PARD3: variants seen among roughly 807,000 people sequenced by gnomAD.
The protein encoded by PARD3 is par-3 family cell polarity regulator, also known as partitioning defective 3 homolog.
PARD3 carries 75 observed loss-of-function variants against 155.4 expected under a neutral mutation model. That is an observed-to-expected ratio of 0.48 (90% CI 0.40 to 0.58). The LOEUF is 0.58. PARD3 is among the 20% of genes least tolerant of loss of function. PARD3 has a pLI of 0.00. For missense variants in PARD3, 1,642 were observed against 1,721.7 expected, an observed-to-expected ratio of 0.95 and a Z score of 0.82; for synonymous variants, 576 against 610.5, an observed-to-expected ratio of 0.94 and a Z score of 0.83.
chr10:34,216,130 G>A (rs531758203), intron 22 of PARD3, among the ~76,000 whole-genome samples: 1 of 152,198 alleles, frequency 6.6e-6, no homozygotes, highest in East Asian at 1.9e-4. Context: ...CCTCATTTGG[G>A]CACAGCTGAT....
At chr10:34,350,458 A>G (rs532375365) in intron 14 of PARD3, among the ~76,000 whole-genome samples, 18 of 152,240 alleles carry the variant, frequency 1.2e-4, no homozygotes, top group African/African-American at 3.1e-4. Flanking sequence ...ACATGGTGAA[A>G]CACCAAATAT....
chr10:34,306,803 T>C lies in PARD3; in HGVS notation c.3065+10304A>G, dbSNP rs147180839. Among the ~76,000 whole-genome samples the C allele has an allele frequency of 1.1e-4, 16 of 152,318 alleles. No individual in the cohort carries two copies. The East Asian group carries it at 3.1e-3, about 29-fold the overall frequency. ...CCTTCCAAAGATGGGAACGCCAGCA[T>C]TGTCCTGGTATGAAGACTTGTCATA... is the stretch of plus-strand genomic sequence containing the variant. On this transcript the variant is annotated intron_variant, in intron 20 of 24. Transcript: ENST00000374788.
chr10:34,465,845 T>C (rs116872693), intron 4 of PARD3, among the ~76,000 whole-genome samples: 3,170 of 152,238 alleles, frequency 0.021, 43 homozygotes, highest in Non-Finnish European at 0.029. Context: ...GGAAAGCAGA[T>C]TCTTCTAAGA....
At chr10:34,328,161 T>A (rs1020209039) in intron 19 of PARD3, among the ~76,000 whole-genome samples, 5 of 152,132 alleles carry the variant, frequency 3.3e-5, no homozygotes, top group Admixed American at 1.3e-4. Context: ...AATTTTTTTT[T>A]AAACAAAAAC....
At chr10:34,215,982 T>C (rs1347594901) in intron 22 of PARD3, among the ~76,000 whole-genome samples, 1 of 152,152 alleles carries the variant, frequency 6.6e-6, no homozygotes, top group African/African-American at 2.4e-5. Flanking sequence ...TTTAGAAAAA[T>C]AATTGCTCTA....
intron 2 of PARD3, among the ~76,000 whole-genome samples, chr10:34,682,824 T>C (rs1269036758): frequency 1.3e-5 from 2 of 152,004 alleles, no homozygotes; most frequent in East Asian, 1.9e-4. Flanking sequence ...TTGCAGAGAT[T>C]GCATCACTGC....
At chr10:34,489,478 A>G (rs545564297) in intron 3 of PARD3, among the ~76,000 whole-genome samples, 1 of 152,322 alleles carries the variant, frequency 6.6e-6, no homozygotes, top group South Asian at 2.1e-4. Flanking sequence ...CTCATTATCC[A>G]CTTCTCTGTC....
intron 22 of PARD3, among the ~76,000 whole-genome samples, chr10:34,187,608 G>A (rs888415425): frequency 4.7e-4 from 72 of 152,282 alleles, no homozygotes; most frequent in African/African-American, 1.5e-3. Flanking sequence ...ACAGTTTAGG[G>A]GAGTGATGTA....
intron 3 of PARD3, among the ~76,000 whole-genome samples, chr10:34,498,459 T>C (rs1392382393): frequency 6.6e-6 from 1 of 152,188 alleles, no homozygotes; most frequent in Non-Finnish European, 1.5e-5. Flanking sequence ...GCTTTATTCC[T>C]GCTATGAATA....
intron 22 of PARD3, among the ~76,000 whole-genome samples, chr10:34,173,700 A>G (rs1949906606): frequency 6.6e-6 from 1 of 152,222 alleles, no homozygotes; most frequent in Non-Finnish European, 1.5e-5. Flanking sequence ...CTTTTCTAAG[A>G]GGAAGACACT....
At chr10:34,647,851 T>C (rs996165598) in intron 2 of PARD3, among the ~76,000 whole-genome samples, 1 of 152,240 alleles carries the variant, frequency 6.6e-6, no homozygotes, top group African/African-American at 2.4e-5. Context: ...AGCCTAGCTT[T>C]GTATTGTTTG....
At chr10:34,678,470 T>C (rs570384956) in intron 2 of PARD3, among the ~76,000 whole-genome samples, 1 of 152,274 alleles carries the variant, frequency 6.6e-6, no homozygotes, top group East Asian at 1.9e-4. Flanking sequence ...CATTATTTTG[T>C]TATACATAAA....
At chr10:34,209,891 T>C (rs886330546) in intron 22 of PARD3, among the ~76,000 whole-genome samples, 4 of 152,222 alleles carry the variant, frequency 2.6e-5, no homozygotes, top group Admixed American at 1.3e-4. Context: ...TATTTATGGA[T>C]AGAAATCCAA....
intron 12 of PARD3, among the ~76,000 whole-genome samples, chr10:34,369,347 T>G (rs574514767): frequency 0.01 from 1,539 of 151,480 alleles, 32 homozygotes; most frequent in African/African-American, 0.036. Context: ...TTTATTTATT[T>G]ATTGGCTTAT....
rs763878995 is a variant in PARD3 at position 34,284,142 on chromosome 10, G to T, written c.3169C>A (p.Gln1057Lys). 1 of 1,577,260 alleles carries T rather than the reference G, an allele frequency of 6.3e-7. No individual in the cohort carries two copies. Among genetic ancestry groups the T allele is most frequent in the Non-Finnish European group, 8.7e-7 (1 of 1,153,322 alleles). ...CAAGTAACTGAAGTCTACCTCTCCT[G>T]CTCCTGCTTCATTCGTATCCTCTCC... ...EEERIRMKQEQERIQAKTREF... is the reference protein window; with the variant it reads ...EEERIRMKQEKERIQAKTREF... The change falls in exon 21 of 25, where the codon CAG becomes AAG. Residue 1057 changes from glutamine to lysine, a missense_variant. This residue lies in a region of PARD3 where 1,529 missense variants were observed against 1,587.3 expected (regional missense o/e 0.96). Transcript: ENST00000374788.
intron 22 of PARD3, chr10:34,201,908 T>G (rs1951233246): frequency 6.6e-6 from 1 of 152,196 alleles, no homozygotes; most frequent in African/African-American, 2.4e-5. Context: ...CCCACCCCAG[T>G]GCACCATTGC....
chr10:34,226,790 A>C (rs1186609122), intron 22 of PARD3, among the ~76,000 whole-genome samples: 1 of 152,234 alleles, frequency 6.6e-6, no homozygotes, highest in Non-Finnish European at 1.5e-5. Context: ...TCATAGCCCC[A>C]AACTGAAAAG....
At chr10:34,576,027 T>C (rs970560075) in intron 2 of PARD3, among the ~76,000 whole-genome samples, 15 of 152,302 alleles carry the variant, frequency 9.8e-5, no homozygotes, top group Admixed American at 1.3e-4. Flanking sequence ...GTCAGGGAAA[T>C]GTGTGTTGCT....
At chr10:34,439,657 A>G (rs11009786) in intron 5 of PARD3, among the ~76,000 whole-genome samples, 18,314 of 151,938 alleles carry the variant, frequency 0.12, 3,437 homozygotes, top group African/African-American at 0.4. Context: ...GGGTTTCATC[A>G]TGTTGGCAAG....
Sources: gnomAD v4.1 joint callset for allele counts (sites outside exome capture counted in the v4.1 genomes callset) on GRCh38, gnomAD v4.1.1 for gene constraint, gnomAD v4.1.1 regional missense constraint, MANE v1.5 for transcripts, NCBI Gene and HGNC (gene_info 2026-07-23, HGNC 2026-07-21) for gene names.